Variants in POM121C observed in about 807,000 individuals in gnomAD.
The protein encoded by POM121C is POM121 transmembrane nucleoporin C.
Under a neutral mutation model 66.4 loss-of-function variants are expected in POM121C, and 20 were observed. The observed-to-expected ratio is 0.30, with a 90% CI of 0.21 to 0.44. POM121C has a LOEUF of 0.44. POM121C is among the 20% of genes least tolerant of loss of function. The pLI is 1.00. For synonymous variants in POM121C, 286 were observed against 528.0 expected, an observed-to-expected ratio of 0.54 and a Z score of 6.28; for missense variants, 580 against 1,225.7, an observed-to-expected ratio of 0.47 and a Z score of 7.87.
In POM121C at chr7:75,424,946, G is replaced by T. The variant is rs1256321660; in HGVS notation, c.768+128C>A. On this transcript the variant is annotated intron_variant, in intron 10 of 14. Transcript: ENST00000615331. ...CTGAACTCCAGCCTGGGTGACAGAGGGATGTTGTCTCAAAAAACAAAAACA... is the reference window on the plus strand; with the variant it reads ...CTGAACTCCAGCCTGGGTGACAGAGTGATGTTGTCTCAAAAAACAAAAACA... The T allele has an allele frequency of 2.0e-6, 3 of 1,495,572 alleles. No homozygotes were observed. The East Asian group carries it at 7.1e-5, about 35-fold the overall frequency. 92.6% of individuals were successfully genotyped at this position (1,495,572 alleles called of 1,614,324 possible).
chr7:75,477,665 A>G (rs1554479585), intron 1 of POM121C, among the ~76,000 whole-genome samples: 1 of 152,098 alleles, frequency 6.6e-6, no homozygotes, highest in African/African-American at 2.4e-5. Context: ...GTGGTGGCTC[A>G]TGCCTGTAAT....
At chr7:75,467,213 A>C (rs782469639) in intron 3 of POM121C, among the ~76,000 whole-genome samples, 4 of 152,186 alleles carry the variant, frequency 2.6e-5, no homozygotes, top group Non-Finnish European at 5.9e-5. Context: ...AAAATCAAAA[A>C]ATCTGGTGCT....
chr7:75,460,310 T>C (rs587618892), intron 3 of POM121C, among the ~76,000 whole-genome samples: 61 of 148,878 alleles, frequency 4.1e-4, no homozygotes, highest in East Asian at 3.3e-3. Context: ...CTGGGCATGA[T>C]AGCGAGACCC....
intron 3 of POM121C, among the ~76,000 whole-genome samples, chr7:75,449,092 G>A (rs1470928071): frequency 1.3e-5 from 2 of 149,514 alleles, no homozygotes; most frequent in Admixed American, 6.7e-5. Flanking sequence ...GGCTTCTACG[G>A]GAGTCTTGAA....
chr7:75,442,703 G>C (rs1207187962), intron 3 of POM121C: 5 of 1,391,492 alleles, frequency 3.6e-6, no homozygotes, highest in Non-Finnish European at 3.7e-6. Flanking sequence ...TCCAGCCGCC[G>C]CAGCCGCCGG....
At chr7:75,470,471 T>C (rs1584709416) in intron 3 of POM121C, among the ~76,000 whole-genome samples, 1 of 151,736 alleles carries the variant, frequency 6.6e-6, no homozygotes, top group African/African-American at 2.4e-5. Context: ...TTTCTTTCTT[T>C]TTTTACAGAA....
At chr7:75,474,086 T>C (rs1237371787) in intron 3 of POM121C, among the ~76,000 whole-genome samples, 5 of 152,190 alleles carry the variant, frequency 3.3e-5, no homozygotes, top group African/African-American at 1.2e-4. Context: ...GACTTCTGAA[T>C]GCCCCAAAAT....
chr7:75,461,857 G>T (rs1791456107), intron 3 of POM121C, among the ~76,000 whole-genome samples: 1 of 151,390 alleles, frequency 6.6e-6, no homozygotes, highest in South Asian at 2.1e-4. Flanking sequence ...ATAATTCATG[G>T]GTCAAAGAGT....
In POM121C at chr7:75,419,359, A is replaced by G; in HGVS notation, c.2827T>C (p.Ser943Pro). Residue 943 changes from serine to proline, a missense_variant, in exon 14 of 15, where the codon TCA becomes CCA. Transcript: ENST00000615331. ...SGSSLSFGAS[S>P]APAQGFVGVG... ...CCAACAAAGCCTTGGGCGGGTGCTG[A>G]AGATGCCCCAAAGGAGAGGCTGCTG... 6.2e-7 allele frequency: 1 copy of G among 1,613,784 alleles called. No individual in the cohort carries two copies.
intron 3 of POM121C, chr7:75,442,163 G>C (rs1264149094): frequency 5.2e-6 from 7 of 1,344,670 alleles, no homozygotes; most frequent in Non-Finnish European, 5.7e-6. Flanking sequence ...AGGCCTCCCG[G>C]AGGGTCGGAG....
chr7:75,432,252 C>T (rs1349207739), intron 7 of POM121C, among the ~76,000 whole-genome samples: 2 of 150,420 alleles, frequency 1.3e-5, no homozygotes, highest in South Asian at 2.1e-4. Context: ...TTTATGTATA[C>T]CGAAAGACTT....
chr7:75,419,604 T>C (rs1416232612), intron 13 of POM121C, 162 bp from the exon 14 acceptor site: 8 of 797,576 alleles, frequency 1.0e-5, no homozygotes, highest in Non-Finnish European at 1.5e-5. Context: ...GACAACCGAG[T>C]CTTCATGCCT....
chr7:75,482,587 G>A (rs1269819863), intron 1 of POM121C, among the ~76,000 whole-genome samples: 1 of 152,206 alleles, frequency 6.6e-6, no homozygotes, highest in East Asian at 1.9e-4. Context: ...CTAGGCGGGA[G>A]GCTGAGGCAA....
At chr7:75,470,948 A>T (rs1584710132) in intron 3 of POM121C, among the ~76,000 whole-genome samples, 1 of 151,816 alleles carries the variant, frequency 6.6e-6, no homozygotes, top group Non-Finnish European at 1.5e-5. Context: ...ATATATATAT[A>T]TTTTTAAACT....
At chr7:75,447,104 T>A (rs1381134747) in intron 3 of POM121C, among the ~76,000 whole-genome samples, 3 of 122,836 alleles carry the variant, frequency 2.4e-5, no homozygotes, top group Non-Finnish European at 5.0e-5. Flanking sequence ...ACTAGGCATA[T>A]AAATAAGCAA....
chr7:75,452,112 C>T (rs1484671164), intron 3 of POM121C, among the ~76,000 whole-genome samples: 4 of 152,106 alleles, frequency 2.6e-5, no homozygotes, highest in African/African-American at 4.8e-5. Context: ...TGTAGTAGGC[C>T]GAGATCGCGC....
Position 75,475,377 on chromosome 7 carries a change from G to C in POM121C, c.-457-189C>G, listed in dbSNP as rs2923696. Among the ~76,000 whole-genome samples, 1,152 of 152,064 alleles carry C rather than the reference G, an allele frequency of 7.6e-3. 12 individuals carry two copies. Among genetic ancestry groups the C allele is most frequent in the African/African-American group, 0.025 (1,045 of 41,364 alleles). On this transcript the variant is annotated intron_variant, in intron 1 of 14. Transcript: ENST00000615331. Reference sequence around the variant, plus strand: ...CTTTATATATATACAAAAATAAAAAGCCAAAACACAACTGAGCTCCTATTT... The same window carrying C: ...CTTTATATATATACAAAAATAAAAACCCAAAACACAACTGAGCTCCTATTT...
chr7:75,439,069 AATCT>A, intron 6 of POM121C, 71 bp downstream of exon 6: 1 of 1,522,650 alleles, frequency 6.6e-7, no homozygotes. Context: ...CAAAGAGGAA[AATCT>A]ATAGGGCAAC....
At chr7:75,420,076 C>T (rs60932781) in intron 13 of POM121C, 23,379 of 152,444 alleles carry the variant, frequency 0.15, 2,236 homozygotes, top group African/African-American at 0.26. Flanking sequence ...CTGCCATGTC[C>T]TCATGTCACC....
Sources: gnomAD v4.1 joint callset for allele counts (sites outside exome capture counted in the v4.1 genomes callset) on GRCh38, gnomAD v4.1.1 for gene constraint, MANE v1.5 for transcripts, NCBI Gene and HGNC (gene_info 2026-07-23, HGNC 2026-07-21) for gene names.